TRPM5: variants seen among roughly 807,000 people sequenced by gnomAD.
TRPM5 encodes transient receptor potential cation channel subfamily M member 5, also known as MLSN1 and TRP-related.
TRPM5 carries 121 observed loss-of-function variants against 124.9 expected under a neutral mutation model. That is an observed-to-expected ratio of 0.97 (90% CI 0.84 to 1.13). The LOEUF is 1.13. Among genes scored for constraint, TRPM5 ranks in the 50% most tolerant of loss-of-function variants. The pLI, the probability that TRPM5 is intolerant of heterozygous loss-of-function variation, is 0.00. For missense variants in TRPM5, 1,643 were observed against 1,589.1 expected (o/e 1.03, Z -0.58); for synonymous variants, 781 against 700.5 (o/e 1.11, Z -1.81).
At chr11:2,429,372 T>C in the TRPM5 span, among the ~76,000 whole-genome samples, 5 of 151,592 alleles carry the variant, frequency 3.3e-5, no homozygotes, top group African/African-American at 1.2e-4. This position sits in a 1 kb window ranked among gnomAD's most constrained non-coding sequence, Gnocchi z 8.4. Flanking sequence ...GTGGTGGTGA[T>C]GATCGTGGTT....
the TRPM5 span, among the ~76,000 whole-genome samples, chr11:2,435,581 G>GTCCATCCA: frequency 3.0e-3 from 457 of 150,108 alleles, 1 homozygote; most frequent in South Asian, 0.016. The surrounding 1 kb of genome is among the most constrained non-coding windows in gnomAD (Gnocchi z 4.1). Flanking sequence ...CCATCTGTCT[G>GTCCATCCA]TCCATCCATC....
intron 12 of TRPM5, 87 bp from the exon 18 acceptor site, chr11:2,413,675 C>G (rs1850502571): frequency 1.5e-6 from 2 of 1,290,514 alleles, no homozygotes; most frequent in African/African-American, 2.9e-5. Flanking sequence ...CCCCAGGTGC[C>G]TGGCCCACGT....
At chr11:2,408,952 A>G (rs1346900433) in intron 18 of TRPM5, among the ~76,000 whole-genome samples, 1 of 152,214 alleles carries the variant, frequency 6.6e-6, no homozygotes, top group Non-Finnish European at 1.5e-5. Flanking sequence ...ACTGGCACAC[A>G]CGGGCACATT....
At chr11:2,418,220 T>C in exon 6 of TRPM5, 2 of 1,586,062 alleles carry the variant, frequency 1.3e-6, no homozygotes, top group Non-Finnish European at 1.7e-6. Flanking sequence ...CTGGGGAACT[T>C]CTCCTTAAAC....
downstream of TRPM5, among the ~76,000 whole-genome samples, chr11:2,404,033 A>T (rs1281760826): frequency 6.6e-6 from 1 of 152,164 alleles, no homozygotes. Context: ...TGGAAACCCC[A>T]GGCCTCCTCT....
Position 2,406,812 on chromosome 11 carries a change from A to C in TRPM5, c.3119-19T>G. 6.2e-7 allele frequency: 1 copy of C among 1,605,942 alleles called. No individual in the cohort carries two copies. Among genetic ancestry groups the C allele is most frequent in the Non-Finnish European group, 8.5e-7 (1 of 1,176,256 alleles). ...TCTCTCTCTGGGAAAGCCAGGTGGCAGCCAGCATTACTAGAGCATGTGGGC... is the reference window on the plus strand; with the variant it reads ...TCTCTCTCTGGGAAAGCCAGGTGGCCGCCAGCATTACTAGAGCATGTGGGC... On this transcript the variant is annotated intron_variant, in intron 20 of 23. Coordinates refer to ENST00000155858, the Ensembl canonical transcript of TRPM5.
At chr11:2,407,770 G>C in exon 19 of TRPM5, 1 of 1,613,696 alleles carries the variant, frequency 6.2e-7, no homozygotes. Context: ...TGAACATGGC[G>C]ATGAGCAGGT....
At chr11:2,418,414 T>G in intron 5 of TRPM5, 56 bp from the exon 11 acceptor site, 1 of 1,520,522 alleles carries the variant, frequency 6.6e-7, no homozygotes, top group Non-Finnish European at 8.8e-7. Flanking sequence ...GACATCTGGA[T>G]GCAGGTGTCA....
In TRPM5 at chr11:2,415,131, C is replaced by T. The variant is rs764456575; in HGVS notation, c.1469G>A (p.Arg490His). The T allele has an allele frequency of 2.7e-5, 43 of 1,568,958 alleles. No individual in the cohort carries two copies. Among genetic ancestry groups the T allele is most frequent in the African/African-American group, 2.7e-4 (20 of 73,906 alleles). Residue 490 changes from arginine to histidine, a missense_variant, in exon 9 of 24, where the codon CGC (arginine) becomes CAC (histidine). Arg to His is a conservative substitution (Grantham distance 29). Coordinates refer to ENST00000155858, the Ensembl canonical transcript of TRPM5. The stretch of plus-strand genomic sequence containing the variant: ...GGAGCCCCCGCTCACCGCCCTCCTG[C>T]GGTCCCCTGGCCGGCCGTCCTGGTA...
chr11:2,437,102 C>T, the TRPM5 span, among the ~76,000 whole-genome samples: 36,171 of 152,246 alleles, frequency 0.24, 4,641 homozygotes, highest in East Asian at 0.33. This position sits in a 1 kb window ranked among gnomAD's most constrained non-coding sequence, Gnocchi z 5.6. Flanking sequence ...TGCTTTAAGG[C>T]TGCCTGTCTT....
At chr11:2,417,396 A>G (rs1845701769) in intron 7 of TRPM5, among the ~76,000 whole-genome samples, 2 of 151,968 alleles carry the variant, frequency 1.3e-5, no homozygotes, top group Non-Finnish European at 2.9e-5. Context: ...TGGAGCTTGC[A>G]GTGAGCCGAG....
At chr11:2,409,890 T>C (rs1850409762) in intron 18 of TRPM5, among the ~76,000 whole-genome samples, 1 of 152,154 alleles carries the variant, frequency 6.6e-6, no homozygotes, top group African/African-American at 2.4e-5. Flanking sequence ...GGGAGTCTGT[T>C]TCCCTGCCTT....
At chr11:2,406,085 G>A (rs745501089) in exon 22 of TRPM5, 28 of 1,611,676 alleles carry the variant, frequency 1.7e-5, no homozygotes, top group Non-Finnish European at 2.3e-5. Flanking sequence ...TGGCAATGAA[G>A]TCCACTCTGC....
At position 2,408,396 on chromosome 11, in the gene TRPM5, A is replaced by G. The variant is rs539200903; in HGVS notation, c.2783-484T>C. Among the ~76,000 whole-genome samples the G allele has an allele frequency of 1.0e-3, 157 of 152,330 alleles. 1 individual carries two copies. Among genetic ancestry groups the G allele is most frequent in the African/African-American group, 3.7e-3 (155 of 41,574 alleles). ...ACTTCTCAGAGCCTCTACAGCACTAATGCCTGTGATTAAACCCCAAGCTGG... is the reference window on the plus strand; with the variant it reads ...ACTTCTCAGAGCCTCTACAGCACTAGTGCCTGTGATTAAACCCCAAGCTGG... On this transcript the variant is annotated intron_variant, in intron 18 of 23. Transcript: ENST00000155858.
At chr11:2,424,685 G>A (rs1284356131), upstream of TRPM5, among the ~76,000 whole-genome samples, 5 of 152,232 alleles carry the variant, frequency 3.3e-5, no homozygotes, top group African/African-American at 1.2e-4. Flanking sequence ...GAGGCAGGAA[G>A]GATCCCCCTC....
chr11:2,426,763 G>A (rs1445059501), upstream of TRPM5, among the ~76,000 whole-genome samples: 5 of 152,158 alleles, frequency 3.3e-5, no homozygotes, highest in African/African-American at 1.2e-4. Context: ...TTGGGGGAAC[G>A]GCCAGTCACA....
exon 9 of TRPM5, chr11:2,415,310 G>A (rs1589871499): frequency 6.3e-7 from 1 of 1,583,322 alleles, no homozygotes; most frequent in Non-Finnish European, 8.5e-7. Context: ...GCTGCAGCAG[G>A]TCGAAGAGCA....
intron 23 of TRPM5, 66 bp from the exon 29 acceptor site, chr11:2,405,109 T>TA: frequency 7.1e-7 from 1 of 1,411,600 alleles, no homozygotes. Context: ...AGGGGAGAGG[T>TA]AGCTGGCTCA....
intron 11 of TRPM5, 28 bp from the exon 17 acceptor site, chr11:2,414,234 A>T: frequency 6.3e-7 from 1 of 1,596,492 alleles, no homozygotes; most frequent in Non-Finnish European, 8.5e-7. Context: ...GGCCGCTAGG[A>T]CGAGACGCCG....
Sources: allele counts gnomAD v4.1 joint callset (sites outside exome capture counted in the v4.1 genomes callset), GRCh38; gene constraint gnomAD v4.1.1; non-coding constraint Gnocchi (gnomAD v3.1); transcripts MANE v1.5; gene names NCBI Gene and HGNC (gene_info 2026-07-23, HGNC 2026-07-21).